ADAMTSL1: variants seen among roughly 807,000 people sequenced by gnomAD.
The protein encoded by ADAMTSL1 is ADAMTS like 1.
ADAMTSL1 carries 126 observed loss-of-function variants against 201.8 expected under a neutral mutation model. The ratio of observed to expected loss-of-function variants is 0.62; its 90% CI spans 0.54 to 0.72. The LOEUF is 0.72. Ranked by LOEUF, ADAMTSL1 falls within the 30% of genes least tolerant of loss-of-function variation. ADAMTSL1 has a pLI of 0.00. For synonymous variants in ADAMTSL1, 1,121 were observed against 903.4 expected, an observed-to-expected ratio of 1.24 and a Z score of -4.32; for missense variants, 2,679 against 2,277.8, an observed-to-expected ratio of 1.18 and a Z score of -3.59.
intron 9 of ADAMTSL1, among the ~76,000 whole-genome samples, chr9:18,665,397 G>T (rs1829370361): frequency 6.6e-6 from 1 of 151,992 alleles, no homozygotes; most frequent in African/African-American, 2.4e-5. Flanking sequence ...ACAATATAAA[G>T]CCTCCCAATG....
At position 17,908,445 on chromosome 9, in the gene ADAMTSL1, C is replaced by A. The variant is rs73414824; in HGVS notation, c.87+1523C>A. The stretch of plus-strand genomic sequence containing the variant: ...GTTAAAACCCAATGTGCAAAAATGA[C>A]CTGCCTTAATGTGACTTTTTTTTTT... On this transcript the variant is annotated intron_variant, in intron 1 of 29. Coordinates refer to the ADAMTSL1 transcript ENST00000680146. Among the ~76,000 whole-genome samples, 1,135 of 152,080 alleles carry A rather than the reference C, an allele frequency of 7.5e-3. 14 individuals are homozygous for A. The highest frequency in any genetic ancestry group is 0.026 in the African/African-American group (1,083 of 41,484).
chr9:18,821,749 C>T (rs1229767119), intron 21 of ADAMTSL1, among the ~76,000 whole-genome samples: 2 of 152,092 alleles, frequency 1.3e-5, no homozygotes, highest in South Asian at 2.1e-4. Flanking sequence ...CTCCACACCT[C>T]CTAGGAAGCT....
At chr9:17,925,865 AAAG>A (rs1298439968) in intron 1 of ADAMTSL1, among the ~76,000 whole-genome samples, 1 of 151,518 alleles carries the variant, frequency 6.6e-6, no homozygotes, top group African/African-American at 2.4e-5. Flanking sequence ...TTAAAAAAAA[AAAG>A]AAAACCATCC....
chr9:18,731,448 T>C (rs1336816341), intron 15 of ADAMTSL1, among the ~76,000 whole-genome samples: 2 of 151,714 alleles, frequency 1.3e-5, no homozygotes, highest in African/African-American at 4.8e-5. Context: ...CTGGACAACA[T>C]TGTGAAACCC....
At chr9:18,203,827 AAC>A in intron 2 of ADAMTSL1, among the ~76,000 whole-genome samples, 1 of 152,266 alleles carries the variant, frequency 6.6e-6, no homozygotes, top group African/African-American at 2.4e-5. Flanking sequence ...TTCACACATA[AAC>A]ACCGTCAGTG....
At chr9:18,756,281 CAAAAAAAA>C (rs11326013) in intron 16 of ADAMTSL1, among the ~76,000 whole-genome samples, 14 of 68,500 alleles carry the variant, frequency 2.0e-4, no homozygotes, top group African/African-American at 5.4e-4. Flanking sequence ...TCTGTCTCGA[CAAAAAAAA>C]AAAAAAAAAA....
chr9:18,204,904 T>C (rs1829590415), intron 2 of ADAMTSL1, among the ~76,000 whole-genome samples: 1 of 152,210 alleles, frequency 6.6e-6, no homozygotes, highest in Non-Finnish European at 1.5e-5. Context: ...ATATCCACTG[T>C]ATTATGGCAT....
chr9:18,712,306 T>C (rs144257699), intron 14 of ADAMTSL1, among the ~76,000 whole-genome samples: 110,889 of 151,946 alleles, frequency 0.73, 40,510 homozygotes, highest in Non-Finnish European at 0.75. Context: ...CTCCGAGCTA[T>C]GGGAGGACAT....
intron 1 of ADAMTSL1, among the ~76,000 whole-genome samples, chr9:18,482,764 A>G (rs1018837699): frequency 1.3e-5 from 2 of 152,206 alleles, no homozygotes; most frequent in African/African-American, 4.8e-5. Context: ...TACTTCATCA[A>G]TACAACTAGG....
chr9:18,858,519 T>C (rs988906834), intron 23 of ADAMTSL1, among the ~76,000 whole-genome samples: 1 of 152,222 alleles, frequency 6.6e-6, no homozygotes, highest in African/African-American at 2.4e-5. Flanking sequence ...AGCAAAAGTA[T>C]GAGGAATTGC....
At chr9:18,839,737 T>G (rs978891764) in intron 23 of ADAMTSL1, among the ~76,000 whole-genome samples, 2 of 152,138 alleles carry the variant, frequency 1.3e-5, no homozygotes, top group Non-Finnish European at 1.5e-5. Context: ...CTAACTGGTG[T>G]GAGGTGGTAT....
rs550206614 is a variant in ADAMTSL1, at chr9:18,771,385, T to G, written c.2397+604T>G. Among the ~76,000 whole-genome samples, 7 of 152,362 alleles carry G rather than the reference T, an allele frequency of 4.6e-5. No individual in the cohort carries two copies. The South Asian group carries it at 1.2e-3, about 27-fold the overall frequency. ...AGCATTCACCATTCCCGACTTTATC[T>G]GCTAAGTTAGAGACATACCTCTGAC... On this transcript the variant is annotated intron_variant, in intron 17 of 28. Coordinates refer to ENST00000380548, the MANE Select transcript of ADAMTSL1 (RefSeq NM_001040272.6).
At chr9:17,906,957 G>T (rs1157720030) in intron 1 of ADAMTSL1, 1 of 152,328 alleles carries the variant, frequency 6.6e-6, no homozygotes, top group East Asian at 1.9e-4. Context: ...TCCCTCCCGG[G>T]GACTCTGCTT....
chr9:18,110,642 T>C (rs1425255973), intron 1 of ADAMTSL1, among the ~76,000 whole-genome samples: 1 of 152,138 alleles, frequency 6.6e-6, no homozygotes, highest in Non-Finnish European at 1.5e-5. Context: ...TGCTCTTCTT[T>C]TCTTGGTGAC....
At chr9:18,111,550 C>T (rs929287546) in intron 1 of ADAMTSL1, among the ~76,000 whole-genome samples, 1 of 152,058 alleles carries the variant, frequency 6.6e-6, no homozygotes, top group African/African-American at 2.4e-5. Context: ...CTGTGCAAAA[C>T]CTATCATCAT....
intron 1 of ADAMTSL1, among the ~76,000 whole-genome samples, chr9:18,037,178 T>A (rs1284003666): frequency 2.0e-5 from 3 of 152,226 alleles, no homozygotes; most frequent in Non-Finnish European, 4.4e-5. Flanking sequence ...GAAAAAAACT[T>A]CAAGCTAGAG....
At chr9:18,158,588 GA>G (rs1196386479) in intron 1 of ADAMTSL1, among the ~76,000 whole-genome samples, 1 of 151,952 alleles carries the variant, frequency 6.6e-6, no homozygotes, top group Non-Finnish European at 1.5e-5. Context: ...GAAATTTACT[GA>G]AATCTGGTAA....
At chr9:18,024,772 G>GGCCT (rs1460539362) in intron 1 of ADAMTSL1, among the ~76,000 whole-genome samples, 1 of 151,888 alleles carries the variant, frequency 6.6e-6, no homozygotes, top group Non-Finnish European at 1.5e-5. Context: ...TTTTCCTTTG[G>GGCCT]GCCTATACCC....
Position 18,906,847 on chromosome 9 carries a change from A to G in ADAMTSL1, c.5117A>G (p.His1706Arg), listed in dbSNP as rs1402408757. Reference protein sequence around the residue: ...HARTNKAVPEHLCSWGPRPAN... With the variant: ...HARTNKAVPERLCSWGPRPAN... ...CGCACCAACAAGGCAGTGCCTGAGC[A>G]CCTGTGCTCCTGGGGGCCCCGGCCT... The change falls in exon 28 of 29, where the codon CAC becomes CGC. Residue 1706 changes from histidine (H) to arginine (R), a missense_variant. Transcript: ENST00000380548. 1 of 1,613,984 alleles carries G rather than the reference A, an allele frequency of 6.2e-7. No homozygotes were observed. The highest frequency in any genetic ancestry group is 1.3e-5 in the African/African-American group (1 of 75,044).
Sources: gnomAD v4.1 joint callset for allele counts (sites outside exome capture counted in the v4.1 genomes callset) on GRCh38, gnomAD v4.1.1 for gene constraint, MANE v1.5 for transcripts, NCBI Gene and HGNC (gene_info 2026-07-23, HGNC 2026-07-21) for gene names.